Variants in SAMD5 observed in about 807,000 individuals in gnomAD.
SAMD5 encodes the protein sterile alpha motif domain-containing protein 5.
SAMD5 carries 13 observed loss-of-function variants against 11.3 expected under a neutral mutation model. The observed-to-expected ratio is 1.15, with a 90% CI of 0.75 to 1.83. The LOEUF is 1.83. Ranked by LOEUF, SAMD5 falls within the 40% of genes most tolerant of loss-of-function variation. The pLI, the probability that SAMD5 is intolerant of heterozygous loss-of-function variation, is 0.00. For missense variants in SAMD5, 255 were observed against 239.1 expected (o/e 1.07, Z -0.44); for synonymous variants, 129 against 111.3 (o/e 1.16, Z -1.00).
At chr6:147,606,903 A>G (rs2128448733) in intron 1 of SAMD5, among the ~76,000 whole-genome samples, 1 of 151,970 alleles carries the variant, frequency 6.6e-6, no homozygotes, top group South Asian at 2.1e-4. Context: ...ACACATAGTT[A>G]AAGGAGGAAC....
chr6:147,719,194 G>A (rs1791510712), intron 1 of SAMD5, among the ~76,000 whole-genome samples: 1 of 152,168 alleles, frequency 6.6e-6, no homozygotes, highest in Non-Finnish European at 1.5e-5. Context: ...TGACTTCTCT[G>A]GAAAAAGTCA....
At chr6:147,817,677 A>G in the SAMD5 span, among the ~76,000 whole-genome samples, 2 of 152,304 alleles carry the variant, frequency 1.3e-5, no homozygotes, top group Admixed American at 6.5e-5. Flanking sequence ...AATTATTACA[A>G]TCTCCATGGG....
the SAMD5 span, among the ~76,000 whole-genome samples, chr6:147,746,577 G>A: frequency 6.6e-6 from 1 of 152,208 alleles, no homozygotes. Flanking sequence ...TGAGAAAGCA[G>A]TGTGAGAGAG....
At chr6:147,873,404 T>G in the SAMD5 span, among the ~76,000 whole-genome samples, 2 of 151,846 alleles carry the variant, frequency 1.3e-5, no homozygotes, top group Non-Finnish European at 2.9e-5. Context: ...ATTTAACAAC[T>G]AAGTATATTT....
At chr6:147,750,942 A>G in the SAMD5 span, among the ~76,000 whole-genome samples, 1 of 152,150 alleles carries the variant, frequency 6.6e-6, no homozygotes, top group Non-Finnish European at 1.5e-5. Context: ...ACAAACAAAC[A>G]AAACACTATG....
chr6:147,653,727 A>G (rs773870638), intron 1 of SAMD5, among the ~76,000 whole-genome samples: 5 of 152,190 alleles, frequency 3.3e-5, no homozygotes, highest in African/African-American at 1.2e-4. Flanking sequence ...CTGATATTCC[A>G]TGCACTTCTT....
chr6:147,734,743 G>T lies in SAMD5; in HGVS notation c.163-2574G>T, dbSNP rs929062997. 6.2e-4 allele frequency among the ~76,000 whole-genome samples: 37 copies of T among 59,770 alleles called. No individual in the cohort carries two copies. The East Asian group carries it at 9.1e-3, about 15-fold the overall frequency. 39.2% of individuals were successfully genotyped at this position (59,770 alleles called of 152,430 possible). A position where few individuals can be genotyped will look rare whatever the true frequency, so the allele number is the denominator to read the frequency against. On this transcript the variant is annotated intron_variant, in intron 1 of 1. Transcript: ENST00000566741. ...AAAAAAAAAAAAAAAAAAAAAAAAA[G>T]ATTTAGAACACAAATCAAATATCTG...
At chr6:147,741,157 C>G (rs1038879606), downstream of SAMD5, among the ~76,000 whole-genome samples, 3 of 152,050 alleles carry the variant, frequency 2.0e-5, no homozygotes, top group African/African-American at 7.2e-5. Context: ...GACATTAGAT[C>G]TACTAGAGGT....
chr6:147,540,473 A>G (rs1788582184), intron 1 of SAMD5, among the ~76,000 whole-genome samples: 1 of 152,188 alleles, frequency 6.6e-6, no homozygotes, highest in African/African-American at 2.4e-5. Context: ...ACATAGTCAC[A>G]AGGTTAAGCT....
At chr6:147,872,247 A>C in the SAMD5 span, among the ~76,000 whole-genome samples, 1 of 151,748 alleles carries the variant, frequency 6.6e-6, no homozygotes, top group African/African-American at 2.4e-5. Flanking sequence ...GTAGGATTAC[A>C]GGTGTGCACC....
At chr6:147,546,158 C>G (rs1788682062) in intron 1 of SAMD5, among the ~76,000 whole-genome samples, 1 of 152,162 alleles carries the variant, frequency 6.6e-6, no homozygotes, top group African/African-American at 2.4e-5. Context: ...GGTCCAAGCT[C>G]CCTCCATCTG....
chr6:147,820,211 G>A, the SAMD5 span, among the ~76,000 whole-genome samples: 2 of 152,034 alleles, frequency 1.3e-5, no homozygotes, highest in Non-Finnish European at 2.9e-5. Context: ...ACATATTTCT[G>A]ATTCATTTCA....
chr6:147,700,883 G>A (rs1387921625), intron 1 of SAMD5, among the ~76,000 whole-genome samples: 2 of 152,204 alleles, frequency 1.3e-5, no homozygotes, highest in Non-Finnish European at 2.9e-5. Flanking sequence ...ACAAGTGCCA[G>A]CAGAACACAG....
intron 1 of SAMD5, among the ~76,000 whole-genome samples, chr6:147,544,445 A>G (rs1022662673): frequency 2.6e-5 from 4 of 152,246 alleles, no homozygotes; most frequent in Non-Finnish European, 5.9e-5. Context: ...AAACTTATAT[A>G]GAAAGTTATA....
chr6:147,921,429 AC>A, the SAMD5 span, among the ~76,000 whole-genome samples: 1 of 152,178 alleles, frequency 6.6e-6, no homozygotes, highest in African/African-American at 2.4e-5. Context: ...TGCCGCCACC[AC>A]AGCCCTCACA....
the SAMD5 span, among the ~76,000 whole-genome samples, chr6:147,792,675 C>A: frequency 6.6e-6 from 1 of 152,032 alleles, no homozygotes; most frequent in South Asian, 2.1e-4. Flanking sequence ...GATTCTGTGA[C>A]TGGGGCAGGA....
At chr6:147,874,301 T>G in the SAMD5 span, among the ~76,000 whole-genome samples, 14 of 152,336 alleles carry the variant, frequency 9.2e-5, no homozygotes, top group East Asian at 2.5e-3. Flanking sequence ...TGATCTAAAA[T>G]GTCTCTAGCT....
At chr6:147,535,149 G>A (rs1489525662) in intron 1 of SAMD5, among the ~76,000 whole-genome samples, 1 of 152,132 alleles carries the variant, frequency 6.6e-6, no homozygotes, top group Non-Finnish European at 1.5e-5. Context: ...GCCATTGATC[G>A]CTTTGACTTC....
chr6:147,878,080 TATATG>T, the SAMD5 span, among the ~76,000 whole-genome samples: 1 of 151,808 alleles, frequency 6.6e-6, no homozygotes, highest in Non-Finnish European at 1.5e-5. Context: ...GCCCAGCCTA[TATATG>T]ATATATTTAT....
Sources: gnomAD v4.1 joint callset for allele counts (sites outside exome capture counted in the v4.1 genomes callset) on GRCh38, gnomAD v4.1.1 for gene constraint, MANE v1.5 for transcripts, NCBI Gene and HGNC (gene_info 2026-07-23, HGNC 2026-07-21) for gene names.